EYS: variants seen among roughly 807,000 people sequenced by gnomAD.
EYS encodes the protein EGF-like photoreceptor maintenance factor.
A neutral mutation model predicts 282.1 loss-of-function variants in EYS; 250 were observed. The observed-to-expected ratio is 0.89, with a 90% confidence interval of 0.80 to 0.98. EYS has a LOEUF of 0.98. Among genes scored for constraint, EYS ranks in the 50% least tolerant of loss-of-function variants. The pLI, the probability that EYS is intolerant of heterozygous loss-of-function variation, is 0.00. For synonymous variants in EYS, 1,355 were observed against 1,282.9 expected (o/e 1.06, Z -1.20); for missense variants, 4,016 against 3,709.0 (o/e 1.08, Z -2.15).
rs187546632 is a variant in EYS at position 65,632,940 on chromosome 6, G to C, written c.-333+6838C>G. Among the ~76,000 whole-genome samples the C allele has an allele frequency of 1.2e-3, 190 of 152,178 alleles. 1 individual carries two copies. Among genetic ancestry groups the C allele is most frequent in the Non-Finnish European group, 1.8e-3 (119 of 67,978 alleles). ...ACCATAACTGAGGGCCCTTGAATCTGTGTTCCATGTAGCTTATGTAATTAA... is the reference window on the plus strand; with the variant it reads ...ACCATAACTGAGGGCCCTTGAATCTCTGTTCCATGTAGCTTATGTAATTAA... On this transcript the variant is annotated intron_variant, in intron 2 of 42. Transcript: ENST00000503581.
rs1164261609 is a variant in EYS at position 64,306,999 on chromosome 6, T to C, written c.6162A>G (p.Ala2054=). The C allele has an allele frequency of 1.6e-5, 25 of 1,537,226 alleles. No homozygotes were observed. The highest frequency in any genetic ancestry group is 2.1e-5 in the Non-Finnish European group (24 of 1,136,588). ...NNWRSFIPSK[A]VKNYHINNCR... is the part of the protein sequence containing the mutation. ...AATTGTTAATGTGATAGTTTTTCACTGCCTTGGATGGAATGAAAGATCTCC... is the reference window on the plus strand; with the variant it reads ...AATTGTTAATGTGATAGTTTTTCACCGCCTTGGATGGAATGAAAGATCTCC... Residue 2054 remains alanine (A), a synonymous_variant, in exon 30 of 43, where the codon GCA becomes GCG. Transcript: ENST00000503581.
intron 19 of EYS, among the ~76,000 whole-genome samples, chr6:64,860,456 C>T (rs905437021): frequency 1.3e-5 from 2 of 152,238 alleles, no homozygotes; most frequent in African/African-American, 2.4e-5. Context: ...AAGCTCCAGG[C>T]ACCAGCACTG....
At chr6:65,453,856 A>G (rs1325027464) in intron 5 of EYS, among the ~76,000 whole-genome samples, 1 of 151,972 alleles carries the variant, frequency 6.6e-6, no homozygotes, top group Non-Finnish European at 1.5e-5. Context: ...AAACAACAGA[A>G]TTTCATTCTT....
At chr6:64,064,037 CTG>C (rs1313209266) in intron 33 of EYS, among the ~76,000 whole-genome samples, 1 of 152,132 alleles carries the variant, frequency 6.6e-6, no homozygotes, top group African/African-American at 2.4e-5. Context: ...ACTGCTTTGC[CTG>C]TGTTTTCTTT....
intron 1 of EYS, among the ~76,000 whole-genome samples, chr6:65,671,911 T>C (rs2149832994): frequency 6.6e-6 from 1 of 152,214 alleles, no homozygotes; most frequent in East Asian, 1.9e-4. Context: ...TGAATCTAAG[T>C]GCTGACAGGA....
At chr6:65,392,171 CAAGATGGATTA>C (rs1766064279) in intron 7 of EYS, among the ~76,000 whole-genome samples, 1 of 151,930 alleles carries the variant, frequency 6.6e-6, no homozygotes, top group East Asian at 1.9e-4. Flanking sequence ...AAAATCAATT[CAAGATGGATTA>C]AAGACTTAAA....
intron 31 of EYS, among the ~76,000 whole-genome samples, chr6:64,117,429 G>A (rs1476872845): frequency 6.6e-6 from 1 of 150,696 alleles, no homozygotes; most frequent in African/African-American, 2.4e-5. Flanking sequence ...ACTAAGAGTT[G>A]GTTTTTTAAA....
chr6:64,238,966 T>C lies in EYS; in HGVS notation c.6192-8142A>G, dbSNP rs138982526. Among the ~76,000 whole-genome samples the C allele has an allele frequency of 2.3e-4, 35 of 152,262 alleles. No homozygotes were observed. In the East Asian group the frequency reaches 6.4e-3, roughly 28 times the overall value. Reference sequence around the variant, plus strand: ...CCCTCCCTGTGTCCATGTGTTCTCATTGTTCAACTCCCACTTATGAGTGAG... The same window carrying C: ...CCCTCCCTGTGTCCATGTGTTCTCACTGTTCAACTCCCACTTATGAGTGAG... On this transcript the variant is annotated intron_variant, in intron 30 of 42. Coordinates refer to ENST00000503581, the MANE Select transcript of EYS (RefSeq NM_001142800.2).
At chr6:64,547,769 G>A (rs915715585) in intron 26 of EYS, among the ~76,000 whole-genome samples, 3 of 152,240 alleles carry the variant, frequency 2.0e-5, no homozygotes, top group East Asian at 1.9e-4. Flanking sequence ...GCGCTGTGGA[G>A]CAGGGGGCGG....
intron 19 of EYS, among the ~76,000 whole-genome samples, chr6:64,886,225 T>A (rs796690200): frequency 1.6e-4 from 25 of 152,036 alleles, no homozygotes; most frequent in African/African-American, 6.0e-4. Flanking sequence ...GCCTTTATGT[T>A]TGGATAAAAT....
chr6:64,484,978 A>G (rs1286051134), intron 26 of EYS, among the ~76,000 whole-genome samples: 1 of 151,654 alleles, frequency 6.6e-6, no homozygotes, highest in Non-Finnish European at 1.5e-5. Context: ...TTTTCAAACA[A>G]AAATGTGAAG....
At position 65,104,847 on chromosome 6, in the gene EYS, T is replaced by C. The variant is rs76761682; in HGVS notation, c.2024-47120A>G. On this transcript the variant is annotated intron_variant, in intron 12 of 42. Coordinates refer to ENST00000503581, the MANE Select transcript of EYS (RefSeq NM_001142800.2). ...TCAGAATGATACACTTTTATCATTG[T>C]AAATATGTGGATTCAAATAATATAT... Among the ~76,000 whole-genome samples, 286 of 151,818 alleles carry C rather than the reference T, an allele frequency of 1.9e-3. 4 individuals are homozygous for C. In the East Asian group the frequency reaches 0.039, roughly 20 times the overall value.
intron 12 of EYS, among the ~76,000 whole-genome samples, chr6:65,138,675 T>C (rs1776091358): frequency 6.6e-6 from 1 of 152,028 alleles, no homozygotes; most frequent in African/African-American, 2.4e-5. Flanking sequence ...GAAAAATACC[T>C]TGAACTACCA....
intron 24 of EYS, among the ~76,000 whole-genome samples, chr6:64,611,690 C>G (rs1403919702): frequency 6.6e-6 from 1 of 152,018 alleles, no homozygotes; most frequent in Non-Finnish European, 1.5e-5. Context: ...TAGTGCATTG[C>G]AAGAGGATGT....
chr6:64,914,111 G>T (rs998871217), intron 15 of EYS, among the ~76,000 whole-genome samples: 1 of 151,976 alleles, frequency 6.6e-6, no homozygotes, highest in Non-Finnish European at 1.5e-5. Flanking sequence ...GCAGACAGGA[G>T]GGGGAAAGGG....
chr6:64,378,049 T>A (rs1413350124), intron 29 of EYS: 1 of 152,194 alleles, frequency 6.6e-6, no homozygotes, highest in African/African-American at 2.4e-5. Flanking sequence ...TGCTCCAGAA[T>A]GCTTGCTTAC....
At chr6:64,274,486 T>TTTTTTTGTTTTG (rs1554224751) in intron 30 of EYS, among the ~76,000 whole-genome samples, 2 of 145,952 alleles carry the variant, frequency 1.4e-5, no homozygotes, top group African/African-American at 2.7e-5. Context: ...TGGCCGTTTT[T>TTTTTTTGTTTTG]TTTTTTTTTT....
chr6:65,548,568 C>T (rs1245202945), intron 2 of EYS, among the ~76,000 whole-genome samples: 1 of 152,190 alleles, frequency 6.6e-6, no homozygotes. Flanking sequence ...TCAATCTGTT[C>T]CTTTATCCCA....
intron 7 of EYS, among the ~76,000 whole-genome samples, chr6:65,399,574 T>A (rs1381250691): frequency 6.6e-6 from 1 of 152,072 alleles, no homozygotes; most frequent in African/African-American, 2.4e-5. Context: ...CAGAAATATT[T>A]GATTTTCTTT....
Sources: gnomAD v4.1 joint callset for allele counts (sites outside exome capture counted in the v4.1 genomes callset) on GRCh38, gnomAD v4.1.1 for gene constraint, MANE v1.5 for transcripts, NCBI Gene and HGNC (gene_info 2026-07-23, HGNC 2026-07-21) for gene names.